DDX17: variants seen among roughly 807,000 people sequenced by gnomAD.
DDX17 encodes the protein probable ATP-dependent RNA helicase DDX17.
In DDX17, 10 loss-of-function variants were observed where a neutral mutation model predicts 80.8. The ratio of observed to expected loss-of-function variants is 0.12; its 90% CI spans 0.08 to 0.21. The LOEUF (loss-of-function observed/expected upper bound fraction) is 0.21, where lower values mean the gene tolerates loss of function less well. Ranked by LOEUF, DDX17 falls within the 10% of genes least tolerant of loss-of-function variation. The pLI, the probability that DDX17 is intolerant of heterozygous loss-of-function variation, is 1.00. For synonymous variants in DDX17, 339 were observed against 336.2 expected (o/e 1.01, Z -0.09); for missense variants, 586 against 957.4 (o/e 0.61, Z 5.12).
In DDX17 at chr22:38,506,296, G is replaced by T; in HGVS notation, c.-59C>A. On this transcript the variant is annotated 5_prime_UTR_variant, in exon 1 of 13. Transcript: ENST00000403230. ...TTTAGGCGTCTCCTTCCTTCCCAGC[G>T]ACTGCACAAAATGGCGGCCGCCGCT... The T allele has an allele frequency of 6.7e-7, 1 of 1,494,568 alleles. No homozygotes were observed. The highest frequency in any genetic ancestry group is 8.9e-7 in the Non-Finnish European group (1 of 1,123,300). The allele number at this position is 1,494,568 out of a possible 1,614,324, so 92.6% of individuals were successfully genotyped here.
At chr22:38,488,928 T>C (rs917893789) in intron 11 of DDX17, 6 of 985,248 alleles carry the variant, frequency 6.1e-6, no homozygotes, top group African/African-American at 3.5e-5. Flanking sequence ...ATTAAATTAA[T>C]AGCCAAAGAA....
chr22:38,491,052 T>C (rs117255894), intron 11 of DDX17: 3,589 of 152,636 alleles, frequency 0.024, 66 homozygotes, highest in Non-Finnish European at 0.035. Flanking sequence ...GGCCTCCGCC[T>C]CCTCTCCCAA....
chr22:38,490,689 T>C, intron 11 of DDX17: 1 of 286,648 alleles, frequency 3.5e-6, no homozygotes, highest in Non-Finnish European at 6.9e-6. Context: ...GTAGAAGCCT[T>C]CACTTTCCAG....
At chr22:38,488,555 TACC>T in intron 11 of DDX17, 1 of 996,870 alleles carries the variant, frequency 1.0e-6, no homozygotes. Flanking sequence ...TGGCAAAATC[TACC>T]AACAACATAA....
chr22:38,498,742 G>A (rs546153450), intron 3 of DDX17, among the ~76,000 whole-genome samples, 169 bp from the exon 4 acceptor site: 1 of 152,100 alleles, frequency 6.6e-6, no homozygotes, highest in Non-Finnish European at 1.5e-5. Context: ...TAGCTTCTAA[G>A]GGCCAGGCTA....
chr22:38,486,526 T>G, intron 12 of DDX17, 86 bp from the exon 13 acceptor site: 1 of 1,444,746 alleles, frequency 6.9e-7, no homozygotes, highest in Non-Finnish European at 9.2e-7. Flanking sequence ...TACAAAAGTA[T>G]TAAACATGTC....
intron 5 of DDX17, among the ~76,000 whole-genome samples, chr22:38,496,558 C>T (rs527366702): frequency 6.6e-5 from 10 of 152,252 alleles, no homozygotes; most frequent in Middle Eastern, 3.4e-3. Flanking sequence ...CCATGTTGGC[C>T]AGGCTAGTCT....
At chr22:38,495,182 C>T (rs2089748528) in intron 6 of DDX17, 136 bp from the exon 7 acceptor site, 1 of 752,208 alleles carries the variant, frequency 1.3e-6, no homozygotes, top group African/African-American at 1.8e-5. Flanking sequence ...ATAGCAAGAC[C>T]CCGACTCTAC....
rs781235336 is a variant in DDX17, at chr22:38,498,155, G to A, written c.673-5C>T. 1 of 1,613,762 alleles carries A rather than the reference G, an allele frequency of 6.2e-7. No individual in the cohort carries two copies. The highest frequency in any genetic ancestry group is 2.2e-5 in the East Asian group (1 of 44,874). The stretch of plus-strand genomic sequence containing the variant: ...AACAATTGCAGGCAGGAGATACTGT[G>A]GAGGGGGGAAAGAATGACAACCTTA... On this transcript the variant is annotated splice_region_variant and splice_polypyrimidine_tract_variant and intron_variant, in intron 4 of 12. Transcript: ENST00000403230.
intron 10 of DDX17, 27 bp downstream of exon 10, chr22:38,493,683 A>G (rs777269194): frequency 6.3e-7 from 1 of 1,580,388 alleles, no homozygotes; most frequent in South Asian, 1.1e-5. Context: ...TGGGGAATCA[A>G]CAGAAAATGC....
At position 38,506,005 on chromosome 22, in the gene DDX17, C is replaced by A; in HGVS notation, c.233G>T (p.Gly78Val). Residue 78 changes from glycine to valine, a missense_variant, in exon 1 of 13, where the codon GGG (glycine) becomes GTG (valine). This residue lies in a region of DDX17 where 215 missense variants were observed against 238.4 expected (regional missense o/e 0.90). Transcript: ENST00000403230. ...CCCAAAGCCTCCTCCGCGCATGGTC[C>A]CAAAAGGATAGAGATCTGGGAGCGG... The A allele has an allele frequency of 6.3e-7, 1 of 1,593,378 alleles. No homozygotes were observed.
intron 5 of DDX17, among the ~76,000 whole-genome samples, chr22:38,497,549 C>T (rs1339508524): frequency 1.5e-5 from 2 of 132,884 alleles, no homozygotes; most frequent in African/African-American, 5.6e-5. Context: ...ACCTGGCAGG[C>T]GGAGGTTGCA....
Position 38,499,221 on chromosome 22 carries a change from AAAAAC to A in DDX17, c.538+174_538+178del, listed in dbSNP as rs2089802002. On this transcript the variant is annotated intron_variant, in intron 3 of 12. Coordinates refer to ENST00000403230, the MANE Select transcript of DDX17 (RefSeq NM_006386.5). ...CCCTAGAAAAAGACAAAAACCTCAA[AAAAAC>A]AAAACAAAAACAAAACCTCAGTCTA... Among the ~76,000 whole-genome samples the A allele has an allele frequency of 2.6e-5, 4 of 152,336 alleles. No homozygotes were observed. The South Asian group carries it at 8.3e-4, about 32-fold the overall frequency.
At position 38,483,793 on chromosome 22, in the gene DDX17, C is replaced by T. The variant is rs994453711; in HGVS notation, c.*2142G>A. ...CAATAACTAGCATAAAACGATTCTTCTGCTCATGTTCTGAAGCCAACAGCA... is the reference window on the plus strand; with the variant it reads ...CAATAACTAGCATAAAACGATTCTTTTGCTCATGTTCTGAAGCCAACAGCA... On this transcript the variant is annotated 3_prime_UTR_variant, in exon 13 of 13. Coordinates refer to ENST00000403230, the MANE Select transcript of DDX17 (RefSeq NM_006386.5). The T allele has an allele frequency of 6.6e-6, 1 of 152,232 alleles. No homozygotes were observed. Among genetic ancestry groups the T allele is most frequent in the Non-Finnish European group, 1.5e-5 (1 of 68,054 alleles). The allele number at this position is 152,232 out of a possible 1,614,324, so 9.4% of individuals were successfully genotyped here.
intron 12 of DDX17, among the ~76,000 whole-genome samples, chr22:38,487,015 A>C (rs540847251): frequency 2.4e-4 from 37 of 152,252 alleles, no homozygotes; most frequent in Non-Finnish European, 4.9e-4. Flanking sequence ...AAAAAATACA[A>C]AAATTAGCTG....
At position 38,501,053 on chromosome 22, in the gene DDX17, T is replaced by A. The variant is rs1012853084; in HGVS notation, c.438+77A>T. 2.7e-6 allele frequency: 4 copies of A among 1,498,548 alleles called. No individual in the cohort carries two copies. The African/African-American group carries it at 5.8e-5, about 22-fold the overall frequency. 92.8% of individuals were successfully genotyped at this position (1,498,548 alleles called of 1,614,324 possible). On this transcript the variant is annotated intron_variant, in intron 2 of 12. Coordinates refer to ENST00000403230, the MANE Select transcript of DDX17 (RefSeq NM_006386.5). ...AGAATAAAATGTAAAACGGCAACAGTAGCGTATGAATAAACTCTAACCAAT... is the reference window on the plus strand; with the variant it reads ...AGAATAAAATGTAAAACGGCAACAGAAGCGTATGAATAAACTCTAACCAAT...
intron 11 of DDX17, chr22:38,488,891 T>C (rs2089687673): frequency 9.1e-6 from 9 of 985,410 alleles, no homozygotes; most frequent in South Asian, 4.7e-5. Context: ...GTTTCAATTA[T>C]CAATGATTGT....
chr22:38,500,974 G>GA (rs71702696), intron 2 of DDX17, among the ~76,000 whole-genome samples, 156 bp downstream of exon 2: 87,678 of 140,182 alleles, frequency 0.63, 27,964 homozygotes, highest in Admixed American at 0.72. Context: ...CTACAAAAAG[G>GA]AAAAAAAAAA....
In DDX17 at chr22:38,499,499, A is replaced by G; in HGVS notation, c.439T>C (p.Tyr147His). 1 of 1,601,448 alleles carries G rather than the reference A, an allele frequency of 6.2e-7. No homozygotes were observed. Among genetic ancestry groups the G allele is most frequent in the East Asian group, 2.3e-5 (1 of 44,426 alleles). Residue 147 changes from tyrosine (Y) to histidine (H), a missense_variant and splice_region_variant, in exon 3 of 13, where the codon TAT becomes CAT. By Grantham distance (83) the Tyr-to-His change is moderately conservative. Transcript: ENST00000403230. ...TTTCGGCGTAGCTCATCAACCTCATACTATTGAAAAAAAATGAAAGAAGTT... is the reference window on the plus strand; with the variant it reads ...TTTCGGCGTAGCTCATCAACCTCATGCTATTGAAAAAAAATGAAAGAAGTT...
Sources: gnomAD v4.1 joint callset for allele counts (sites outside exome capture counted in the v4.1 genomes callset) on GRCh38, gnomAD v4.1.1 for gene constraint, gnomAD v4.1.1 regional missense constraint, MANE v1.5 for transcripts, NCBI Gene and HGNC (gene_info 2026-07-23, HGNC 2026-07-21) for gene names.